Variants in PRMT7 observed in about 807,000 individuals in gnomAD.
PRMT7 encodes protein arginine methyltransferase 7, also known as protein arginine N-methyltransferase 7.
PRMT7 carries 75 observed loss-of-function variants against 85.4 expected under a neutral mutation model. The ratio of observed to expected loss-of-function variants is 0.88; its 90% confidence interval spans 0.73 to 1.06. The LOEUF (loss-of-function observed/expected upper bound fraction) is 1.06. Among genes scored for constraint, PRMT7 ranks in the 50% least tolerant of loss-of-function variants. The pLI, the probability that PRMT7 is intolerant of heterozygous loss-of-function variation, is 0.00. For missense variants in PRMT7, 868 were observed against 915.2 expected, an observed-to-expected ratio of 0.95 and a Z score of 0.67; for synonymous variants, 397 against 359.5, an observed-to-expected ratio of 1.10 and a Z score of -1.18.
chr16:68,322,066 A>C (rs997485384), intron 4 of PRMT7, among the ~76,000 whole-genome samples: 1 of 151,874 alleles, frequency 6.6e-6, no homozygotes, highest in Non-Finnish European at 1.5e-5. Flanking sequence ...TCCTGCCTCA[A>C]CCTGCCTAAG....
intron 5 of PRMT7, among the ~76,000 whole-genome samples, chr16:68,326,228 G>A (rs1175465522): frequency 6.6e-6 from 1 of 152,174 alleles, no homozygotes; most frequent in African/African-American, 2.4e-5. Flanking sequence ...GGTTCATGTA[G>A]TGATTGAGTT....
chr16:68,337,297 T>C (rs959843258), intron 6 of PRMT7, among the ~76,000 whole-genome samples, 162 bp from the exon 7 acceptor site: 3 of 152,102 alleles, frequency 2.0e-5, no homozygotes, highest in Non-Finnish European at 4.4e-5. Flanking sequence ...TCCTGAACCA[T>C]TGGCAAGTCA....
intron 2 of PRMT7, among the ~76,000 whole-genome samples, chr16:68,312,740 G>A (rs1274917738): frequency 2.6e-5 from 4 of 152,200 alleles, no homozygotes; most frequent in African/African-American, 9.7e-5. Context: ...AATAATGGAT[G>A]AGGGCATTCA....
At chr16:68,325,940 C>A (rs972975442) in intron 5 of PRMT7, among the ~76,000 whole-genome samples, 1 of 152,168 alleles carries the variant, frequency 6.6e-6, no homozygotes, top group Non-Finnish European at 1.5e-5. Flanking sequence ...ATGGAGTCAG[C>A]TCTCTTATGT....
In PRMT7 at chr16:68,346,130, C is replaced by T. The variant is rs2086324624; in HGVS notation, c.1056-15C>T. 1 of 1,612,664 alleles carries T rather than the reference C, an allele frequency of 6.2e-7. No individual in the cohort carries two copies. Among genetic ancestry groups the T allele is most frequent in the Non-Finnish European group, 8.5e-7 (1 of 1,180,022 alleles). On this transcript the variant is annotated splice_polypyrimidine_tract_variant and intron_variant, in intron 10 of 18. Transcript: ENST00000441236. Reference sequence around the variant, plus strand: ...CGCTCACAGCCCACGTCTGTTTGTTCATCTCCTGGCCTAGCCCTGAAAAGA... The same window carrying T: ...CGCTCACAGCCCACGTCTGTTTGTTTATCTCCTGGCCTAGCCCTGAAAAGA...
At chr16:68,336,791 C>T (rs574799578) in intron 6 of PRMT7, among the ~76,000 whole-genome samples, 23 of 152,228 alleles carry the variant, frequency 1.5e-4, no homozygotes, top group African/African-American at 5.3e-4. Context: ...ATCACTCTGT[C>T]GCGCAGGCTG....
Position 68,339,840 on chromosome 16 carries a change from T to C in PRMT7, c.799T>C (p.Phe267Leu). 2 of 1,614,132 alleles carry C rather than the reference T, an allele frequency of 1.2e-6. No individual in the cohort carries two copies. Residue 267 changes from phenylalanine to leucine, a missense_variant, in exon 9 of 19, where the codon TTT (phenylalanine) becomes CTT (leucine). Physicochemically the swap from Phe to Leu is conservative, Grantham distance 22. Coordinates refer to ENST00000441236, the MANE Select transcript of PRMT7 (RefSeq NM_019023.5). ...SSSAACHSRRFEPLTSGRAQV... is the reference protein window; with the variant it reads ...SSSAACHSRRLEPLTSGRAQV... ...CTCAGCAGCCTGCCATAGCAGGCGG[T>C]TTGAACCTCTGACATCTGGCCGAGC...
rs540306044 is a variant in PRMT7, at chr16:68,329,293, G to C, written c.391+119G>C. The C allele has an allele frequency of 1.5e-5, 10 of 679,402 alleles. No individual in the cohort carries two copies. In the African/African-American group the frequency reaches 1.8e-4, roughly 12 times the overall value. 42.1% of individuals were successfully genotyped at this position (679,402 alleles called of 1,614,324 possible). A position where few individuals can be genotyped will look rare whatever the true frequency, so the allele number is the denominator to read the frequency against. Reference sequence around the variant, plus strand: ...TAGCATAGAAGTGGGACCTCTCTGTGTGGAGCTCTGACAGTAAGGACTTGG... The same window carrying C: ...TAGCATAGAAGTGGGACCTCTCTGTCTGGAGCTCTGACAGTAAGGACTTGG... On this transcript the variant is annotated intron_variant, in intron 6 of 18. Coordinates refer to ENST00000441236, the MANE Select transcript of PRMT7 (RefSeq NM_019023.5).
At chr16:68,331,118 C>G (rs910468497) in intron 6 of PRMT7, among the ~76,000 whole-genome samples, 25 of 152,188 alleles carry the variant, frequency 1.6e-4, no homozygotes, top group Admixed American at 1.4e-3. Context: ...CCCCCCATAT[C>G]CTGGTCCTAG....
chr16:68,335,205 G>T (rs979782604), intron 6 of PRMT7, among the ~76,000 whole-genome samples: 5 of 152,214 alleles, frequency 3.3e-5, no homozygotes, highest in African/African-American at 1.2e-4. Context: ...TCAGTGGGTT[G>T]TAGGGTGACA....
At chr16:68,345,596 T>A (rs1421665079) in intron 9 of PRMT7, 79 bp from the exon 10 acceptor site, 1 of 1,590,928 alleles carries the variant, frequency 6.3e-7, no homozygotes. Context: ...AACTGGCAGT[T>A]CTCTGGCATT....
chr16:68,355,447 A>T (rs1446545005), intron 16 of PRMT7: 1 of 325,842 alleles, frequency 3.1e-6, no homozygotes, highest in East Asian at 5.0e-5. Flanking sequence ...CTCACCAGTG[A>T]TGTAGATATG....
chr16:68,356,738 TACC>T lies in PRMT7; in HGVS notation c.1853_1855del (p.His618del). ...CCACGCAGCGGTGCTATGGATGGAG[TACC>T]ACCTGACCCCGGAGTGCACGCTCAG... On this transcript the variant is annotated inframe_deletion, in exon 18 of 19. Coordinates refer to ENST00000441236, the MANE Select transcript of PRMT7 (RefSeq NM_019023.5). 6.2e-7 allele frequency: 1 copy of T among 1,611,504 alleles called. No individual in the cohort carries two copies. Among genetic ancestry groups the T allele is most frequent in the Non-Finnish European group, 8.5e-7 (1 of 1,179,814 alleles).
In PRMT7 at chr16:68,317,404, C is replaced by T. The variant is rs541291934; in HGVS notation, c.95+1330C>T. 5.3e-5 allele frequency among the ~76,000 whole-genome samples: 8 copies of T among 152,236 alleles called. No individual in the cohort carries two copies. In the East Asian group the frequency reaches 1.4e-3, roughly 26 times the overall value. On this transcript the variant is annotated intron_variant, in intron 3 of 18. Transcript: ENST00000441236. ...GCAGCAGGGATTACAGGTAAGCTTT[C>T]AGATGAGCCAGATTGTGGCTGGGTG...
chr16:68,322,682 G>A (rs1191693769), intron 4 of PRMT7, among the ~76,000 whole-genome samples: 1 of 151,806 alleles, frequency 6.6e-6, no homozygotes, highest in Non-Finnish European at 1.5e-5. Flanking sequence ...TGAAGGCTGT[G>A]CCATCCCTGG....
At chr16:68,321,357 T>G in intron 3 of PRMT7, 69 bp from the exon 4 acceptor site, 1 of 1,256,026 alleles carries the variant, frequency 8.0e-7, no homozygotes, top group South Asian at 1.3e-5. Context: ...AGCAATGTGT[T>G]TATATATGTG....
intron 5 of PRMT7, 99 bp from the exon 6 acceptor site, chr16:68,328,967 C>T: frequency 1.3e-6 from 1 of 783,400 alleles, no homozygotes; most frequent in Non-Finnish European, 2.1e-6. Flanking sequence ...AGTTACATAT[C>T]TTAGGACCAG....
chr16:68,324,862 G>A (rs1377143511), intron 5 of PRMT7, 30 bp downstream of exon 5: 24 of 1,610,882 alleles, frequency 1.5e-5, no homozygotes, highest in East Asian at 4.5e-5. Context: ...TGTGTGTCCT[G>A]CATCTTGCAT....
At chr16:68,349,244 T>C (rs1371409498) in intron 14 of PRMT7, among the ~76,000 whole-genome samples, 1 of 152,160 alleles carries the variant, frequency 6.6e-6, no homozygotes, top group Non-Finnish European at 1.5e-5. Context: ...CTCCTTACCT[T>C]GCACTGCTCC....
Sources: gnomAD v4.1 joint callset for allele counts (sites outside exome capture counted in the v4.1 genomes callset) on GRCh38, gnomAD v4.1.1 for gene constraint, MANE v1.5 for transcripts, NCBI Gene and HGNC (gene_info 2026-07-23, HGNC 2026-07-21) for gene names.